The following PNPLA4 variants were observed in gnomAD, a reference collection of about 807,000 sequenced individuals.
PNPLA4 encodes patatin-like phospholipase domain-containing protein 4.
Under a neutral mutation model 18.3 loss-of-function variants are expected in PNPLA4, and 15 were observed. That is an observed-to-expected ratio of 0.82 (90% CI 0.55 to 1.26). The LOEUF (loss-of-function observed/expected upper bound fraction) is 1.26, where lower values mean the gene tolerates loss of function less well. PNPLA4 is among the 50% of genes most tolerant of loss of function. The pLI is 0.00. For missense variants in PNPLA4, 229 were observed against 196.8 expected (o/e 1.16, Z -0.98); for synonymous variants, 88 against 85.6 (o/e 1.03, Z -0.16).
intron 5 of PNPLA4, among the ~76,000 whole-genome samples, chrX:7,910,272 A>C (rs1369088960): frequency 2.7e-5 from 3 of 111,121 alleles, no homozygotes; most frequent in African/African-American, 9.8e-5. Flanking sequence ...AAGCTCAAGG[A>C]AAGACACTGA....
At chrX:7,901,846 G>T in intron 6 of PNPLA4, 143 bp downstream of exon 6, 1 of 559,005 alleles carries the variant, frequency 1.8e-6, no homozygotes. Context: ...ATGTTATAAA[G>T]TATTAAACAA....
intron 4 of PNPLA4, among the ~76,000 whole-genome samples, chrX:7,917,937 G>A: frequency 8.9e-6 from 1 of 111,979 alleles, no homozygotes; most frequent in Non-Finnish European, 1.9e-5. Flanking sequence ...GTCAGCTAGT[G>A]GATAATGAAA....
At chrX:7,921,032 G>C (rs1924198753) in intron 4 of PNPLA4, among the ~76,000 whole-genome samples, 1 of 111,950 alleles carries the variant, frequency 8.9e-6, no homozygotes, top group African/African-American at 3.3e-5. Context: ...CACTTTGGGG[G>C]GCTGAGGTGG....
chrX:7,905,277 T>C (rs1292364695), intron 5 of PNPLA4, among the ~76,000 whole-genome samples: 1 of 112,837 alleles, frequency 8.9e-6, no homozygotes, highest in Non-Finnish European at 1.9e-5. Flanking sequence ...AGAATATTCA[T>C]CTGGCAGTAC....
rs1277295785 is a variant in PNPLA4 at position 7,899,053 on chromosome X, T to C, written c.*1633A>G. 1 of 111,875 alleles carries C rather than the reference T, an allele frequency of 8.9e-6. No homozygotes were observed. The highest frequency in any genetic ancestry group is 3.3e-5 in the African/African-American group (1 of 30,735). The allele number at this position is 111,875 out of a possible 1,213,427, so 9.2% of individuals were successfully genotyped here. Reference sequence around the variant, plus strand: ...CAATTGAGAATCTATCCACTTCATGTCACTTATGGAAACAACACATTAAGA... The same window carrying C: ...CAATTGAGAATCTATCCACTTCATGCCACTTATGGAAACAACACATTAAGA... On this transcript the variant is annotated 3_prime_UTR_variant, in exon 7 of 7. Transcript: ENST00000381042.
At chrX:7,920,200 G>A (rs776333761) in intron 4 of PNPLA4, among the ~76,000 whole-genome samples, 7 of 110,405 alleles carry the variant, frequency 6.3e-5, no homozygotes, top group Non-Finnish European at 9.5e-5. Flanking sequence ...GATGGACCCC[G>A]TGAGAGAGAT....
chrX:7,908,557 G>C (rs769998087), intron 5 of PNPLA4, among the ~76,000 whole-genome samples: 1 of 112,158 alleles, frequency 8.9e-6, no homozygotes, highest in African/African-American at 3.2e-5. Context: ...TGTGGGAGGT[G>C]ATCAGGCTTA....
intron 5 of PNPLA4, among the ~76,000 whole-genome samples, chrX:7,907,745 G>T (rs1311500212): frequency 2.8e-5 from 3 of 108,433 alleles, no homozygotes; most frequent in Non-Finnish European, 5.7e-5. Flanking sequence ...TTTTTAAACA[G>T]GGTTTCACTC....
At chrX:7,907,075 T>G (rs945580183) in intron 5 of PNPLA4, among the ~76,000 whole-genome samples, 1 of 111,272 alleles carries the variant, frequency 9.0e-6, no homozygotes, top group African/African-American at 3.3e-5. Context: ...TGGAGTGCCA[T>G]GGCATGATCT....
chrX:7,917,623 C>CTTTA (rs1924084806), intron 4 of PNPLA4, among the ~76,000 whole-genome samples: 1 of 111,876 alleles, frequency 8.9e-6, no homozygotes. Flanking sequence ...CTTTCACATG[C>CTTTA]TTTATCTTAT....
intron 5 of PNPLA4, among the ~76,000 whole-genome samples, chrX:7,904,976 TACA>T (rs1336265869): frequency 8.9e-6 from 1 of 112,292 alleles, no homozygotes; most frequent in African/African-American, 3.2e-5. Flanking sequence ...TCATACTCGT[TACA>T]GGCTGTACAG....
chrX:7,910,687 A>T (rs1923844742), intron 5 of PNPLA4, among the ~76,000 whole-genome samples: 1 of 110,183 alleles, frequency 9.1e-6, no homozygotes, highest in Non-Finnish European at 1.9e-5. Context: ...TATTTGATTA[A>T]AAAATACATA....
intron 2 of PNPLA4, among the ~76,000 whole-genome samples, chrX:7,924,379 A>G (rs1329005681): frequency 8.9e-6 from 1 of 112,050 alleles, no homozygotes; most frequent in Non-Finnish European, 1.9e-5. Context: ...AACATTTGCT[A>G]AAAAAAACTC....
At chrX:7,913,105 T>C (rs773666846) in intron 4 of PNPLA4, among the ~76,000 whole-genome samples, 2 of 112,019 alleles carry the variant, frequency 1.8e-5, no homozygotes, top group Non-Finnish European at 3.8e-5. Flanking sequence ...TCTTTTGAGC[T>C]GTGACCCGAC....
chrX:7,910,495 T>C (rs1247192445), intron 5 of PNPLA4, among the ~76,000 whole-genome samples: 1 of 110,042 alleles, frequency 9.1e-6, no homozygotes, highest in Non-Finnish European at 1.9e-5. Flanking sequence ...ATTACATATA[T>C]ATAAAATAAA....
At chrX:7,918,580 G>A (rs755679613) in intron 4 of PNPLA4, among the ~76,000 whole-genome samples, 2 of 110,928 alleles carry the variant, frequency 1.8e-5, no homozygotes, top group East Asian at 2.9e-4. Context: ...TCAGAGCGAG[G>A]TGTGCCAAGC....
At chrX:7,907,606 T>A (rs1476302568) in intron 5 of PNPLA4, among the ~76,000 whole-genome samples, 1 of 112,614 alleles carries the variant, frequency 8.9e-6, no homozygotes, top group East Asian at 2.8e-4. Flanking sequence ...TTCCATTCAT[T>A]CACTGACAAA....
chrX:7,916,544 T>A (rs1427206437), intron 4 of PNPLA4, among the ~76,000 whole-genome samples: 1 of 111,273 alleles, frequency 9.0e-6, no homozygotes, highest in East Asian at 2.8e-4. Flanking sequence ...AATACTTTCA[T>A]ACATACTTCA....
intron 6 of PNPLA4, 150 bp downstream of exon 6, chrX:7,901,838 GT>G (rs767509351): frequency 3.8e-6 from 2 of 527,466 alleles, no homozygotes; most frequent in Non-Finnish European, 6.1e-6. Context: ...GCTGATACAT[GT>G]TATAAAGTAT....
Sources: gnomAD v4.1 joint callset for allele counts (sites outside exome capture counted in the v4.1 genomes callset) on GRCh38, gnomAD v4.1.1 for gene constraint, MANE v1.5 for transcripts, NCBI Gene and HGNC (gene_info 2026-07-23, HGNC 2026-07-21) for gene names.